COX7B2: variants seen among roughly 807,000 people sequenced by gnomAD.
The protein encoded by COX7B2 is cytochrome c oxidase subunit 7B2, also known as cytochrome c oxidase subunit 7B2, mitochondrial.
For missense variants in COX7B2, 109 were observed against 95.9 expected (o/e 1.14, Z -0.57); for synonymous variants, 37 against 32.1 (o/e 1.15, Z -0.51).
intron 1 of COX7B2, among the ~76,000 whole-genome samples, chr4:46,870,739 C>G (rs1255335184): frequency 1.3e-5 from 2 of 151,968 alleles, no homozygotes; most frequent in African/African-American, 2.4e-5. Flanking sequence ...CCACTCACAA[C>G]TGCCACAAAA....
intron 2 of COX7B2, among the ~76,000 whole-genome samples, chr4:46,806,047 T>C (rs966324937): frequency 7.9e-5 from 12 of 152,292 alleles, no homozygotes; most frequent in African/African-American, 2.9e-4. Flanking sequence ...TTTGTGTCCT[T>C]GTAATTGCCT....
intron 1 of COX7B2, among the ~76,000 whole-genome samples, chr4:46,905,265 C>A (rs757387744): frequency 1.1e-4 from 17 of 152,018 alleles, no homozygotes; most frequent in Middle Eastern, 3.4e-3. Context: ...GTTTTAACTT[C>A]GCAAATGTAT....
intron 2 of COX7B2, among the ~76,000 whole-genome samples, chr4:46,830,405 A>G (rs1013136338): frequency 2.6e-5 from 4 of 152,068 alleles, no homozygotes; most frequent in African/African-American, 7.2e-5. Flanking sequence ...TTTCTAGGCA[A>G]TGGAAAGTAT....
At chr4:46,748,637 T>C (rs1715166891) in intron 2 of COX7B2, among the ~76,000 whole-genome samples, 1 of 152,172 alleles carries the variant, frequency 6.6e-6, no homozygotes, top group Non-Finnish European at 1.5e-5. Context: ...AAAATGAACA[T>C]TTTAGATCAC....
intron 2 of COX7B2, among the ~76,000 whole-genome samples, chr4:46,805,343 T>C (rs1718944051): frequency 1.3e-5 from 2 of 152,374 alleles, no homozygotes; most frequent in East Asian, 1.9e-4. Flanking sequence ...GCCAGCACGC[T>C]GTCACCTCTC....
intron 1 of COX7B2, among the ~76,000 whole-genome samples, chr4:46,902,460 T>C (rs925811416): frequency 1.3e-5 from 2 of 152,168 alleles, no homozygotes; most frequent in African/African-American, 4.8e-5. Flanking sequence ...TAATTAAGCT[T>C]ATGGTCAGTC....
At chr4:46,779,181 T>C (rs1717312214) in intron 2 of COX7B2, among the ~76,000 whole-genome samples, 1 of 152,200 alleles carries the variant, frequency 6.6e-6, no homozygotes, top group Non-Finnish European at 1.5e-5. Flanking sequence ...ATTATTACAT[T>C]TAATTCTCAG....
At chr4:46,896,332 G>A (rs1368003381) in intron 1 of COX7B2, among the ~76,000 whole-genome samples, 1 of 152,158 alleles carries the variant, frequency 6.6e-6, no homozygotes, top group African/African-American at 2.4e-5. Flanking sequence ...ATTTCTAGAT[G>A]CTTTTTATCA....
rs147430675 is a variant in COX7B2, at chr4:46,841,596, C to T, written c.-50+3364G>A. Among the ~76,000 whole-genome samples, 965 of 151,996 alleles carry T rather than the reference C, an allele frequency of 6.3e-3. 6 individuals carry two copies. Among genetic ancestry groups the T allele is most frequent in the African/African-American group, 0.022 (908 of 41,500 alleles). On this transcript the variant is annotated intron_variant, in intron 2 of 2. Transcript: ENST00000355591. ...CATCTGACCCAAGCAGGTCATGACA[C>T]AACCTAAACAAGAAAACAGTCACTC...
intron 1 of COX7B2, among the ~76,000 whole-genome samples, chr4:46,890,937 A>T (rs2109870494): frequency 6.6e-6 from 1 of 152,294 alleles, no homozygotes; most frequent in South Asian, 2.1e-4. Flanking sequence ...AACTAAATGG[A>T]GGCAAGACGA....
intron 1 of COX7B2, among the ~76,000 whole-genome samples, chr4:46,876,404 C>CTTTTTT (rs1213695191): frequency 1.6e-4 from 20 of 128,098 alleles, no homozygotes; most frequent in African/African-American, 3.2e-4. Flanking sequence ...GTCCTATTGT[C>CTTTTTT]TTTTTTTTTT....
intron 1 of COX7B2, among the ~76,000 whole-genome samples, chr4:46,847,776 C>T (rs1357230161): frequency 1.3e-5 from 2 of 151,902 alleles, no homozygotes; most frequent in African/African-American, 4.8e-5. Flanking sequence ...CAGTTTCTTG[C>T]CAGCTTTCTC....
intron 1 of COX7B2, among the ~76,000 whole-genome samples, chr4:46,905,364 C>G (rs988293923): frequency 3.3e-5 from 5 of 152,166 alleles, no homozygotes; most frequent in African/African-American, 1.2e-4. Context: ...TTCCCAAACC[C>G]TAAAAGAGTT....
chr4:46,758,144 A>G (rs905075008), intron 2 of COX7B2, among the ~76,000 whole-genome samples: 1 of 152,126 alleles, frequency 6.6e-6, no homozygotes, highest in South Asian at 2.1e-4. Context: ...TGGTAATTTC[A>G]TAACTAGTAT....
intron 2 of COX7B2, among the ~76,000 whole-genome samples, chr4:46,744,464 T>C (rs1036258946): frequency 1.3e-5 from 2 of 152,056 alleles, no homozygotes; most frequent in African/African-American, 4.8e-5. Context: ...GCTTTCTCTG[T>C]GGTGAGCAGC....
At chr4:46,829,479 C>A (rs971244071) in intron 2 of COX7B2, among the ~76,000 whole-genome samples, 2 of 151,974 alleles carry the variant, frequency 1.3e-5, no homozygotes, top group African/African-American at 4.8e-5. Context: ...CCAGGTAAAA[C>A]ATTCAATTAG....
At chr4:46,880,988 TATA>T (rs1560434965) in intron 1 of COX7B2, among the ~76,000 whole-genome samples, 1 of 85,836 alleles carries the variant, frequency 1.2e-5, no homozygotes, top group Non-Finnish European at 2.4e-5. Context: ...AAACTTAGAG[TATA>T]ATAAAAAAAA....
intron 2 of COX7B2, among the ~76,000 whole-genome samples, chr4:46,806,672 T>G (rs1186195200): frequency 6.6e-6 from 1 of 152,072 alleles, no homozygotes; most frequent in African/African-American, 2.4e-5. Flanking sequence ...TCCCCTAACT[T>G]ACATCTCCCA....
rs553141854 is a variant in COX7B2 at position 46,822,459 on chromosome 4, T to C, written c.-50+22501A>G. ...AGAGGAAGAGAGAAGTATCTATTTG[T>C]TGATTTTTTTCTTCCTCACATGACC... On this transcript the variant is annotated intron_variant, in intron 2 of 2. Transcript: ENST00000355591. Among the ~76,000 whole-genome samples, 135 of 152,272 alleles carry C rather than the reference T, an allele frequency of 8.9e-4. 1 individual carries two copies. Among genetic ancestry groups the C allele is most frequent in the Middle Eastern group, 3.4e-3 (1 of 294 alleles).
Sources: gnomAD v4.1 joint callset for allele counts (sites outside exome capture counted in the v4.1 genomes callset) on GRCh38, gnomAD v4.1.1 for gene constraint, MANE v1.5 for transcripts, NCBI Gene and HGNC (gene_info 2026-07-23, HGNC 2026-07-21) for gene names.